The following LDB2 variants were observed in gnomAD, a reference collection of about 807,000 sequenced individuals.
LDB2 encodes LIM domain binding 2.
In LDB2, 12 loss-of-function variants were observed where a neutral mutation model predicts 44.3. That is an observed-to-expected ratio of 0.27 (90% CI 0.17 to 0.44). The LOEUF (loss-of-function observed/expected upper bound fraction) is 0.44. LDB2 is among the 20% of genes least tolerant of loss of function. The pLI is 1.00. For synonymous variants in LDB2, 164 were observed against 174.8 expected (o/e 0.94, Z 0.49); for missense variants, 344 against 473.5 (o/e 0.73, Z 2.54).
intron 2 of LDB2, among the ~76,000 whole-genome samples, chr4:16,609,352 G>T (rs1318841724): frequency 3.9e-4 from 9 of 23,306 alleles, no homozygotes; most frequent in African/African-American, 1.3e-3. Flanking sequence ...GGGAGGGGGC[G>T]GGGGGGGGAG....
intron 5 of LDB2, among the ~76,000 whole-genome samples, chr4:16,566,488 T>C (rs1251175953): frequency 6.6e-6 from 1 of 152,108 alleles, no homozygotes; most frequent in African/African-American, 2.4e-5. Context: ...AACTAAACAG[T>C]TTCCTCTCAT....
chr4:16,787,264 C>A (rs943356509), intron 1 of LDB2, among the ~76,000 whole-genome samples: 1 of 152,044 alleles, frequency 6.6e-6, no homozygotes, highest in African/African-American at 2.4e-5. Context: ...TGCAATCCTG[C>A]CTCAAAAAGT....
intron 5 of LDB2, among the ~76,000 whole-genome samples, chr4:16,542,761 T>G (rs1487667545): frequency 1.3e-5 from 2 of 152,192 alleles, no homozygotes; most frequent in East Asian, 3.9e-4. Context: ...GTTTTTTTAC[T>G]TGTGCCTTCG....
At chr4:16,872,595 CA>C (rs1011517716) in intron 1 of LDB2, among the ~76,000 whole-genome samples, 9 of 150,858 alleles carry the variant, frequency 6.0e-5, no homozygotes, top group African/African-American at 9.7e-5. Context: ...TACTTAACAA[CA>C]AAAAAAAAGT....
chr4:16,585,725 A>G (rs1716556940), intron 5 of LDB2, among the ~76,000 whole-genome samples, 197 bp downstream of exon 5: 1 of 152,096 alleles, frequency 6.6e-6, no homozygotes, highest in South Asian at 2.1e-4. Context: ...AACCCTGACA[A>G]ATTCCAGGTT....
chr4:16,862,555 C>T (rs907469599), intron 1 of LDB2, among the ~76,000 whole-genome samples: 9 of 144,094 alleles, frequency 6.2e-5, no homozygotes, highest in Admixed American at 4.3e-4. Context: ...ATTGCTTGAA[C>T]CCCGGAAGTG....
At chr4:16,808,326 T>G (rs1579854212) in intron 1 of LDB2, among the ~76,000 whole-genome samples, 1 of 152,290 alleles carries the variant, frequency 6.6e-6, no homozygotes, top group East Asian at 1.9e-4. Context: ...CAGACATGGC[T>G]GTTCAGCAGA....
chr4:16,588,556 C>A (rs1357067893), intron 4 of LDB2, among the ~76,000 whole-genome samples, 154 bp downstream of exon 4: 4 of 152,098 alleles, frequency 2.6e-5, no homozygotes, highest in Non-Finnish European at 5.9e-5. Flanking sequence ...TGGATTAAAA[C>A]CGTTGAGAAC....
chr4:16,747,950 G>C (rs1553999558), intron 2 of LDB2, among the ~76,000 whole-genome samples: 1 of 151,966 alleles, frequency 6.6e-6, no homozygotes, highest in Non-Finnish European at 1.5e-5. Flanking sequence ...AGTAAAAAAA[G>C]ACAAACAATC....
chr4:16,580,737 A>G (rs570005388), intron 5 of LDB2, among the ~76,000 whole-genome samples: 1 of 152,276 alleles, frequency 6.6e-6, no homozygotes, highest in South Asian at 2.1e-4. Context: ...TGCCTACTCT[A>G]TTGTTACAGG....
chr4:16,637,299 A>ATTTTT lies in LDB2; in HGVS notation c.236-41429_236-41425dup, dbSNP rs34484721. Among the ~76,000 whole-genome samples the ATTTTT allele has an allele frequency of 7.4e-4, 63 of 85,496 alleles. 3 individuals are homozygous for ATTTTT. In the South Asian group the frequency reaches 8.9e-3, roughly 12 times the overall value. The allele number at this position is 85,496 out of a possible 152,430, so 56.1% of individuals were successfully genotyped here. Reference sequence around the variant, plus strand: ...TCTATGGAAGTTCTTGCCTAGGCTGATTTTTTTTTTTTTTTTTTTTTTTTT... The same window carrying ATTTTT: ...TCTATGGAAGTTCTTGCCTAGGCTGATTTTTTTTTTTTTTTTTTTTTTTTTTTTTT... On this transcript the variant is annotated intron_variant, in intron 2 of 7. Transcript: ENST00000304523.
At chr4:16,896,259 T>C (rs1724966263) in intron 1 of LDB2, among the ~76,000 whole-genome samples, 1 of 152,156 alleles carries the variant, frequency 6.6e-6, no homozygotes, top group African/African-American at 2.4e-5. Context: ...TCTTTAAAAG[T>C]AATACCCCAT....
At chr4:16,854,740 A>G (rs888644232) in intron 1 of LDB2, among the ~76,000 whole-genome samples, 1 of 150,990 alleles carries the variant, frequency 6.6e-6, no homozygotes, top group African/African-American at 2.4e-5. Flanking sequence ...ATATATATAT[A>G]TAACTATTTC....
intron 2 of LDB2, among the ~76,000 whole-genome samples, chr4:16,690,898 A>G (rs962373584): frequency 2.6e-5 from 4 of 152,192 alleles, no homozygotes; most frequent in African/African-American, 9.7e-5. Flanking sequence ...TTATCTAGAA[A>G]TAAGCTTGAG....
chr4:16,619,316 C>T (rs1044572560), intron 2 of LDB2, among the ~76,000 whole-genome samples: 1 of 152,176 alleles, frequency 6.6e-6, no homozygotes, highest in African/African-American at 2.4e-5. Flanking sequence ...AGGAGAACTC[C>T]ATCCCACCAG....
intron 5 of LDB2, among the ~76,000 whole-genome samples, chr4:16,520,435 T>C (rs1483770351): frequency 6.6e-6 from 1 of 152,178 alleles, no homozygotes; most frequent in Non-Finnish European, 1.5e-5. Flanking sequence ...TTAGAAGCGA[T>C]GCAAGTCCAA....
intron 1 of LDB2, among the ~76,000 whole-genome samples, chr4:16,779,373 G>A (rs531695253): frequency 1.1e-4 from 17 of 152,278 alleles, no homozygotes; most frequent in Middle Eastern, 3.4e-3. Flanking sequence ...AACTAAGTGC[G>A]CTTTCGAAGC....
At chr4:16,617,177 C>T (rs1403046633) in intron 2 of LDB2, among the ~76,000 whole-genome samples, 2 of 152,118 alleles carry the variant, frequency 1.3e-5, no homozygotes, top group Non-Finnish European at 2.9e-5. Flanking sequence ...CCCAGCCAGA[C>T]ATGAGCTGCA....
At chr4:16,587,353 G>A (rs1021967576) in intron 4 of LDB2, among the ~76,000 whole-genome samples, 1 of 152,086 alleles carries the variant, frequency 6.6e-6, no homozygotes, top group African/African-American at 2.4e-5. Context: ...TATAGATGAG[G>A]GACTACAAGC....
Sources: allele counts gnomAD v4.1 joint callset (sites outside exome capture counted in the v4.1 genomes callset), GRCh38; gene constraint gnomAD v4.1.1; transcripts MANE v1.5; gene names NCBI Gene and HGNC (gene_info 2026-07-23, HGNC 2026-07-21).